Variants in ELF2 observed in about 807,000 individuals in gnomAD.
ELF2 encodes the protein ETS-related transcription factor Elf-2.
In ELF2, 11 loss-of-function variants were observed where a neutral mutation model predicts 54.8. The observed-to-expected ratio is 0.20, with a 90% confidence interval of 0.13 to 0.33. The LOEUF (loss-of-function observed/expected upper bound fraction) is 0.33, where lower values mean the gene tolerates loss of function less well. ELF2 is among the 10% of genes least tolerant of loss of function. The pLI is 1.00. For missense variants in ELF2, 513 were observed against 703.0 expected (o/e 0.73, Z 3.06); for synonymous variants, 203 against 245.1 (o/e 0.83, Z 1.61).
intron 4 of ELF2, among the ~76,000 whole-genome samples, chr4:139,094,410 A>C (rs1733018588): frequency 6.6e-6 from 1 of 152,120 alleles, no homozygotes; most frequent in African/African-American, 2.4e-5. Context: ...AAGTCAATAA[A>C]TTTTGGAGTG....
At chr4:139,064,230 C>A (rs560234288) in intron 7 of ELF2, among the ~76,000 whole-genome samples, 1 of 152,294 alleles carries the variant, frequency 6.6e-6, no homozygotes, top group Admixed American at 6.5e-5. Context: ...ATCCCTTGAA[C>A]CCAGGAGGCG....
chr4:139,093,719 G>C (rs1487012281), intron 4 of ELF2, among the ~76,000 whole-genome samples: 2 of 151,932 alleles, frequency 1.3e-5, no homozygotes, highest in African/African-American at 2.4e-5. Flanking sequence ...AACACAAAAG[G>C]AATAGAAGAC....
intron 4 of ELF2, among the ~76,000 whole-genome samples, chr4:139,096,116 CA>C (rs1733253344): frequency 6.6e-6 from 1 of 151,570 alleles, no homozygotes; most frequent in African/African-American, 2.4e-5. Context: ...GTCATACATA[CA>C]AAAAAAGAAC....
chr4:139,070,571 G>A (rs964667760), intron 6 of ELF2, among the ~76,000 whole-genome samples: 1 of 152,190 alleles, frequency 6.6e-6, no homozygotes, highest in African/African-American at 2.4e-5. Context: ...GATTACAGAC[G>A]TGAGCCATCA....
chr4:139,146,777 C>T (rs1739261566), intron 1 of ELF2, among the ~76,000 whole-genome samples: 1 of 152,150 alleles, frequency 6.6e-6, no homozygotes, highest in African/African-American at 2.4e-5. Flanking sequence ...GGGGAAAGGA[C>T]ACCCTATTTA....
intron 4 of ELF2, chr4:139,114,888 G>A: frequency 1.2e-6 from 2 of 1,608,640 alleles, no homozygotes; most frequent in South Asian, 1.1e-5. Context: ...GGGGGGCAGC[G>A]ATTGTCCTGT....
intron 4 of ELF2, among the ~76,000 whole-genome samples, chr4:139,123,589 G>A (rs1203427058): frequency 6.6e-6 from 1 of 152,120 alleles, no homozygotes; most frequent in Non-Finnish European, 1.5e-5. Context: ...ATCTGCTCTG[G>A]TATTTTAATG....
At chr4:139,072,784 A>G (rs537648758) in intron 5 of ELF2, among the ~76,000 whole-genome samples, 14 of 152,340 alleles carry the variant, frequency 9.2e-5, no homozygotes, top group African/African-American at 3.4e-4. Flanking sequence ...AAAATGCTAC[A>G]AATTTATTCT....
At chr4:139,069,992 C>A (rs1729282886) in intron 6 of ELF2, among the ~76,000 whole-genome samples, 1 of 151,906 alleles carries the variant, frequency 6.6e-6, no homozygotes, top group Non-Finnish European at 1.5e-5. Context: ...AGGCATGTGC[C>A]ACCATACCTG....
Position 139,103,126 on chromosome 4 carries a change from T to C in ELF2, c.238+22038A>G, listed in dbSNP as rs531405399. 2.6e-5 allele frequency among the ~76,000 whole-genome samples: 4 copies of C among 152,342 alleles called. No individual in the cohort carries two copies. The South Asian group carries it at 8.3e-4, about 32-fold the overall frequency. ...TTTTTGATGTAAAACTTTCTCATGA[T>C]CTTTTGCAAGTTCATCTACTGATAA... On this transcript the variant is annotated intron_variant, in intron 4 of 9. Coordinates refer to ENST00000686138, the MANE Select transcript of ELF2 (RefSeq NM_001331036.3).
At chr4:139,101,234 C>A (rs527561003) in intron 4 of ELF2, among the ~76,000 whole-genome samples, 4 of 152,124 alleles carry the variant, frequency 2.6e-5, no homozygotes, top group Non-Finnish European at 5.9e-5. Context: ...ATTTTCCCCA[C>A]AAATGAGTGA....
At chr4:139,114,060 A>T (rs1735265344) in intron 4 of ELF2, among the ~76,000 whole-genome samples, 1 of 152,208 alleles carries the variant, frequency 6.6e-6, no homozygotes, top group Admixed American at 6.5e-5. Context: ...CTTAAAAAGC[A>T]GAAGCTTCAT....
chr4:139,168,349 T>C (rs976506044), intron 1 of ELF2, among the ~76,000 whole-genome samples: 2 of 152,228 alleles, frequency 1.3e-5, no homozygotes, highest in Non-Finnish European at 2.9e-5. Flanking sequence ...TTACTATTAA[T>C]TTTACTTTGT....
At chr4:139,149,485 G>A (rs902597344) in intron 1 of ELF2, among the ~76,000 whole-genome samples, 11 of 152,046 alleles carry the variant, frequency 7.2e-5, no homozygotes, top group Non-Finnish European at 1.5e-4. Context: ...GTGGTGGCAT[G>A]AGCTTGTGGT....
chr4:139,167,207 G>A (rs925401464), intron 1 of ELF2, among the ~76,000 whole-genome samples: 4 of 152,134 alleles, frequency 2.6e-5, no homozygotes, highest in African/African-American at 7.2e-5. Context: ...AATTAGAAAC[G>A]TTAGTTATAT....
intron 1 of ELF2, among the ~76,000 whole-genome samples, chr4:139,161,024 G>C (rs936713909): frequency 1.3e-5 from 2 of 152,138 alleles, no homozygotes; most frequent in Admixed American, 6.6e-5. Context: ...CTCTCTGTGT[G>C]TGTCTCCATG....
chr4:139,089,025 G>A (rs1463787983), intron 4 of ELF2, among the ~76,000 whole-genome samples: 2 of 152,164 alleles, frequency 1.3e-5, no homozygotes, highest in African/African-American at 2.4e-5. Context: ...CCAAAGTGCT[G>A]GGATTACAGG....
chr4:139,061,392 C>T (rs530633696), intron 8 of ELF2, among the ~76,000 whole-genome samples: 89 of 152,236 alleles, frequency 5.8e-4, no homozygotes, highest in African/African-American at 2.0e-3. Context: ...CCAGGCTGGT[C>T]TTAAACTCCT....
At chr4:139,164,392 T>C (rs1336344622) in intron 1 of ELF2, among the ~76,000 whole-genome samples, 2 of 152,076 alleles carry the variant, frequency 1.3e-5, no homozygotes, top group Non-Finnish European at 2.9e-5. Flanking sequence ...TCCCAGCACT[T>C]TGGGAGGCGG....
Sources: gnomAD v4.1 joint callset for allele counts (sites outside exome capture counted in the v4.1 genomes callset) on GRCh38, gnomAD v4.1.1 for gene constraint, MANE v1.5 for transcripts, NCBI Gene and HGNC (gene_info 2026-07-23, HGNC 2026-07-21) for gene names.